The following GALNTL6 variants were observed in gnomAD, a reference collection of about 807,000 sequenced individuals.
GALNTL6 encodes polypeptide N-acetylgalactosaminyltransferase-like 6.
GALNTL6 carries 46 observed loss-of-function variants against 73.7 expected under a neutral mutation model. The observed-to-expected ratio is 0.62, with a 90% CI of 0.49 to 0.80. The LOEUF (loss-of-function observed/expected upper bound fraction) is 0.80, where lower values mean the gene tolerates loss of function less well. Among genes scored for constraint, GALNTL6 ranks in the 30% least tolerant of loss-of-function variants. GALNTL6 has a pLI of 0.00. For synonymous variants in GALNTL6, 259 were observed against 263.7 expected (o/e 0.98, Z 0.17); for missense variants, 604 against 755.0 (o/e 0.80, Z 2.34).
At chr4:172,949,019 G>T (rs1749310359) in intron 9 of GALNTL6, among the ~76,000 whole-genome samples, 1 of 152,156 alleles carries the variant, frequency 6.6e-6, no homozygotes, top group African/African-American at 2.4e-5. Context: ...TCCTCTATGA[G>T]TTTTGCAATA....
At chr4:172,003,506 G>A (rs1310393823) in intron 2 of GALNTL6, among the ~76,000 whole-genome samples, 2 of 152,084 alleles carry the variant, frequency 1.3e-5, no homozygotes, top group African/African-American at 2.4e-5. Context: ...TTCTCTAATA[G>A]TAGAATGTGT....
At chr4:172,306,090 G>A (rs1740127459) in intron 3 of GALNTL6, among the ~76,000 whole-genome samples, 1 of 151,970 alleles carries the variant, frequency 6.6e-6, no homozygotes, top group South Asian at 2.1e-4. Context: ...ATATGAATTT[G>A]AAAATAAAAA....
At chr4:172,111,566 CTATAA>C (rs937167193) in intron 2 of GALNTL6, among the ~76,000 whole-genome samples, 4 of 151,990 alleles carry the variant, frequency 2.6e-5, no homozygotes, top group Non-Finnish European at 5.9e-5. Context: ...CAAATTTTTA[CTATAA>C]TATAAAATTT....
At chr4:172,047,180 C>T (rs558481112) in intron 2 of GALNTL6, among the ~76,000 whole-genome samples, 7 of 152,172 alleles carry the variant, frequency 4.6e-5, no homozygotes, top group African/African-American at 1.4e-4. Flanking sequence ...GGCCTCCGGA[C>T]GCTCCCCGCA....
intron 5 of GALNTL6, among the ~76,000 whole-genome samples, chr4:172,798,716 G>A (rs958611391): frequency 4.6e-5 from 7 of 152,138 alleles, no homozygotes; most frequent in East Asian, 1.9e-4. Flanking sequence ...AATAACCAGC[G>A]GTTAACAGTA....
chr4:173,022,995 A>G (rs1476007105), intron 12 of GALNTL6, among the ~76,000 whole-genome samples: 1 of 152,142 alleles, frequency 6.6e-6, no homozygotes, highest in Non-Finnish European at 1.5e-5. Flanking sequence ...GGGCCTTCTC[A>G]GCCAGGGATA....
chr4:172,971,100 T>G (rs1338950868), intron 10 of GALNTL6, among the ~76,000 whole-genome samples: 1 of 152,164 alleles, frequency 6.6e-6, no homozygotes, highest in Admixed American at 6.6e-5. Flanking sequence ...AGTGGGTTAT[T>G]GTGGGAGCAA....
chr4:171,993,712 G>GA (rs1324241704), intron 2 of GALNTL6, among the ~76,000 whole-genome samples: 1 of 151,840 alleles, frequency 6.6e-6, no homozygotes, highest in Non-Finnish European at 1.5e-5. Flanking sequence ...TATTATGAAA[G>GA]AAAAGTTAAT....
intron 9 of GALNTL6, among the ~76,000 whole-genome samples, chr4:172,951,231 C>A (rs1381211746): frequency 6.6e-6 from 1 of 152,178 alleles, no homozygotes; most frequent in Non-Finnish European, 1.5e-5. Flanking sequence ...CTACAGCCAC[C>A]CCCGTGATGC....
chr4:172,656,780 A>T (rs1161993771), intron 5 of GALNTL6, among the ~76,000 whole-genome samples: 1 of 152,238 alleles, frequency 6.6e-6, no homozygotes, highest in Non-Finnish European at 1.5e-5. Context: ...TCTGTGAGGC[A>T]CACAGATATT....
chr4:172,098,761 TG>T (rs1031669772), intron 2 of GALNTL6, among the ~76,000 whole-genome samples: 6 of 152,314 alleles, frequency 3.9e-5, no homozygotes, highest in Non-Finnish European at 7.4e-5. Flanking sequence ...TTTTGCACCC[TG>T]GGGAGTATTG....
intron 2 of GALNTL6, among the ~76,000 whole-genome samples, chr4:171,927,203 T>C (rs544699538): frequency 3.9e-4 from 60 of 152,298 alleles, no homozygotes; most frequent in Admixed American, 5.9e-4. Context: ...TTAAGAAATA[T>C]ACATTTATAA....
At chr4:172,254,049 G>C (rs1381119814) in intron 3 of GALNTL6, among the ~76,000 whole-genome samples, 2 of 151,780 alleles carry the variant, frequency 1.3e-5, no homozygotes, top group Non-Finnish European at 3.0e-5. Flanking sequence ...GTCAGCAAGT[G>C]CAATTACAAA....
At chr4:173,022,030 A>AGAAGGAAGGAAGGAAGGAAGGAAG (rs750348404) in intron 12 of GALNTL6, among the ~76,000 whole-genome samples, 11 of 69,234 alleles carry the variant, frequency 1.6e-4, no homozygotes, top group African/African-American at 6.0e-4. Context: ...AAGGAAGGAA[A>AGAAGGAAGGAAGGAAGGAAGGAAG]GAAGGAAGGA....
intron 4 of GALNTL6, among the ~76,000 whole-genome samples, chr4:172,320,205 C>T (rs750428129): frequency 1.2e-4 from 19 of 152,074 alleles, no homozygotes; most frequent in Non-Finnish European, 2.4e-4. Flanking sequence ...ACTTCAGGCC[C>T]TTATTGTACT....
intron 4 of GALNTL6, among the ~76,000 whole-genome samples, chr4:172,332,413 T>C (rs1029655012): frequency 6.6e-6 from 1 of 152,082 alleles, no homozygotes; most frequent in African/African-American, 2.4e-5. Context: ...TTACTTTATG[T>C]TTTTATCTTT....
chr4:172,147,686 T>C (rs756951075), intron 2 of GALNTL6, among the ~76,000 whole-genome samples: 2 of 151,972 alleles, frequency 1.3e-5, no homozygotes, highest in Non-Finnish European at 2.9e-5. Context: ...GCTGGAAAAA[T>C]AGAATAGACA....
At chr4:172,588,144 C>A (rs1737491960) in intron 5 of GALNTL6, among the ~76,000 whole-genome samples, 1 of 152,120 alleles carries the variant, frequency 6.6e-6, no homozygotes, top group Admixed American at 6.5e-5. Context: ...CTTCCCAGCA[C>A]ACTATAGATC....
chr4:172,981,432 G>T (rs1751058999), intron 10 of GALNTL6, among the ~76,000 whole-genome samples: 1 of 152,150 alleles, frequency 6.6e-6, no homozygotes. Context: ...TGTCACTGTG[G>T]TGTTAATTTG....
Sources: allele counts gnomAD v4.1 joint callset (sites outside exome capture counted in the v4.1 genomes callset), GRCh38; gene constraint gnomAD v4.1.1; transcripts MANE v1.5; gene names NCBI Gene and HGNC (gene_info 2026-07-23, HGNC 2026-07-21).